ZHX1: variants seen among roughly 807,000 people sequenced by gnomAD.
ZHX1 encodes zinc fingers and homeoboxes protein 1.
A neutral mutation model predicts 61.8 loss-of-function variants in ZHX1; 20 were observed. The observed-to-expected ratio is 0.32, with a 90% CI of 0.23 to 0.47. The LOEUF (loss-of-function observed/expected upper bound fraction) is 0.47. ZHX1 is among the 20% of genes least tolerant of loss of function. The pLI is 1.00. For missense variants in ZHX1, 800 were observed against 1,034.8 expected, an observed-to-expected ratio of 0.77 and a Z score of 3.11; for synonymous variants, 318 against 352.6, an observed-to-expected ratio of 0.90 and a Z score of 1.10.
At position 123,253,302 on chromosome 8, in the gene ZHX1, T is replaced by G. The variant is rs757913535; in HGVS notation, c.*3+20A>C. Reference sequence around the variant, plus strand: ...GTGGTTGATGAACATATACGCAGATTAAAAATTTTCTTAACTTACATTTCA... The same window carrying G: ...GTGGTTGATGAACATATACGCAGATGAAAAATTTTCTTAACTTACATTTCA... On this transcript the variant is annotated intron_variant, in intron 3 of 3. Coordinates refer to ENST00000395571, the MANE Select transcript of ZHX1 (RefSeq NM_007222.5). The G allele has an allele frequency of 3.2e-6, 5 of 1,566,034 alleles. No individual in the cohort carries two copies. Among genetic ancestry groups the G allele is most frequent in the Non-Finnish European group, 4.3e-6 (5 of 1,161,548 alleles).
intron 2 of ZHX1, among the ~76,000 whole-genome samples, chr8:123,259,521 G>A (rs1826181274): frequency 6.6e-6 from 1 of 151,912 alleles, no homozygotes; most frequent in South Asian, 2.1e-4. Flanking sequence ...AGGAAGCTAA[G>A]GCAGGAAGAT....
chr8:123,252,995 T>C (rs1355340615), intron 3 of ZHX1: 2 of 199,614 alleles, frequency 1.0e-5, no homozygotes, highest in African/African-American at 4.6e-5. Flanking sequence ...ATTTTAGTTA[T>C]CTTTAGTATT....
chr8:123,253,435 C>T lies in ZHX1; in HGVS notation c.2512G>A (p.Glu838Lys). The change falls in exon 3 of 4, where the codon GAA becomes AAA. Residue 838 changes from glutamate to lysine, a missense_variant. Transcript: ENST00000395571. ...GIELFEENEE[E>K]DEVIDDQEED... Reference sequence around the variant, plus strand: ...TCCTGGTCATCAATAACTTCATCTTCCTCCTCATTTTCCTCAAATAATTCT... The same window carrying T: ...TCCTGGTCATCAATAACTTCATCTTTCTCCTCATTTTCCTCAAATAATTCT... The T allele has an allele frequency of 6.2e-7, 1 of 1,614,054 alleles. No individual in the cohort carries two copies. The highest frequency in any genetic ancestry group is 8.5e-7 in the Non-Finnish European group (1 of 1,179,990).
chr8:123,254,737 T>C lies in ZHX1; in HGVS notation c.1210A>G (p.Thr404Ala), dbSNP rs765024823. ...GGTGCTGTAACTGGCAAGGTGTTTG[T>C]TCCAGCCACTTGAGTAAGGACCAGA... ...PGLVLTQVAGTNTLPVTAPIA... is the reference protein window; with the variant it reads ...PGLVLTQVAGANTLPVTAPIA... The change falls in exon 3 of 4, where the codon ACA (threonine) becomes GCA (alanine). Residue 404 changes from threonine to alanine, a missense_variant. Transcript: ENST00000395571. This position sits in a 1 kb window ranked among gnomAD's most constrained non-coding sequence, Gnocchi z 4.1. 1.2e-6 allele frequency: 2 copies of C among 1,614,198 alleles called. No individual in the cohort carries two copies. Among genetic ancestry groups the C allele is most frequent in the South Asian group, 1.1e-5 (1 of 91,086 alleles).
intron 2 of ZHX1, among the ~76,000 whole-genome samples, chr8:123,265,939 G>A (rs1826441019): frequency 6.6e-6 from 1 of 152,152 alleles, no homozygotes; most frequent in African/African-American, 2.4e-5. Context: ...TGAGAAAGCA[G>A]ACCTTAATGA....
intron 2 of ZHX1, among the ~76,000 whole-genome samples, chr8:123,261,042 G>T (rs1469656356): frequency 6.6e-6 from 1 of 152,036 alleles, no homozygotes; most frequent in Admixed American, 6.5e-5. Context: ...CTATTTGCTT[G>T]CTATAATCCA....
At chr8:123,265,262 A>C (rs1350152671) in intron 2 of ZHX1, among the ~76,000 whole-genome samples, 1 of 152,076 alleles carries the variant, frequency 6.6e-6, no homozygotes, top group East Asian at 1.9e-4. Flanking sequence ...ATGTAGCATC[A>C]AAAATAAAAC....
Position 123,254,525 on chromosome 8 carries a change from C to T in ZHX1, c.1422G>A (p.Glu474=), listed in dbSNP as rs918805669. The change falls in exon 3 of 4, where the codon GAG becomes GAA. Residue 474 remains glutamate, a synonymous_variant. Transcript: ENST00000395571. This position sits in a 1 kb window ranked among gnomAD's most constrained non-coding sequence, Gnocchi z 4.1. ...SFGIRAKKTK[E]QLAELKVSYL... is the part of the protein sequence containing the mutation. ...AGCTAACTTTTAATTCTGCCAGTTG[C>T]TCTTTTGTCTTTTTTGCCCGAATGC... 1.2e-6 allele frequency: 2 copies of T among 1,613,840 alleles called. No individual in the cohort carries two copies. The highest frequency in any genetic ancestry group is 1.7e-6 in the Non-Finnish European group (2 of 1,179,950).
At position 123,254,967 on chromosome 8, in the gene ZHX1, T is replaced by G; in HGVS notation, c.980A>C (p.Gln327Pro). The G allele has an allele frequency of 6.2e-7, 1 of 1,614,248 alleles. No homozygotes were observed. The highest frequency in any genetic ancestry group is 8.5e-7 in the Non-Finnish European group (1 of 1,180,032). The change falls in exon 3 of 4, where the codon CAG (glutamine) becomes CCG (proline). Residue 327 changes from glutamine to proline, a missense_variant. Transcript: ENST00000395571. The surrounding 1 kb of genome is among the most constrained non-coding windows in gnomAD (Gnocchi z 4.1). ...TTGGGCTGAAAACCATATCTTGATC[T>G]GTTCCTCTGTATATTTTGCTTGAGC... ...LSAQAKYTEE[Q>P]IKIWFSAQRL... is the part of the protein sequence containing the mutation.
In ZHX1 at chr8:123,254,006, A is replaced by C. The variant is rs931154556; in HGVS notation, c.1941T>G (p.Thr647=). 27 of 1,614,014 alleles carry C rather than the reference A, an allele frequency of 1.7e-5. No homozygotes were observed. Among genetic ancestry groups the C allele is most frequent in the Non-Finnish European group, 2.2e-5 (26 of 1,180,042 alleles). Residue 647 remains threonine (T), a synonymous_variant, in exon 3 of 4, where the codon ACT becomes ACG. Coordinates refer to ENST00000395571, the MANE Select transcript of ZHX1 (RefSeq NM_007222.5). This position sits in a 1 kb window ranked among gnomAD's most constrained non-coding sequence, Gnocchi z 4.1. ...AGSSKEEAGE[T]SPADESGAPK... ...GTGCACCAGATTCATCTGCAGGAGA[A>C]GTTTCTCCAGCTTCTTCTTTGGAAC...
intron 2 of ZHX1, among the ~76,000 whole-genome samples, chr8:123,266,424 G>C (rs951971183): frequency 3.3e-5 from 5 of 152,078 alleles, no homozygotes; most frequent in Non-Finnish European, 5.9e-5. Flanking sequence ...AAAGATAATA[G>C]TAATCAGTAT....
intron 2 of ZHX1, chr8:123,262,762 A>C (rs1826315392): frequency 6.6e-6 from 1 of 152,148 alleles, no homozygotes. Flanking sequence ...GTTTATGACC[A>C]ATCTTTCTAC....
upstream of ZHX1, chr8:123,274,607 G>C (rs1178705670): frequency 2.0e-5 from 3 of 152,264 alleles, no homozygotes; most frequent in Non-Finnish European, 2.9e-5. Flanking sequence ...GTAGGGAGGC[G>C]CCCCGCCCCC....
In ZHX1 at chr8:123,250,008, T is replaced by C. The variant is rs1303401931; in HGVS notation, c.*316A>G. On this transcript the variant is annotated 3_prime_UTR_variant, in exon 4 of 4. Transcript: ENST00000395571. ...TATGAGGACAAGCTCTAGTGGTCATTAAACCCCCTCAGAAAGTCTAAGATT... is the reference window on the plus strand; with the variant it reads ...TATGAGGACAAGCTCTAGTGGTCATCAAACCCCCTCAGAAAGTCTAAGATT... 1 of 311,190 alleles carries C rather than the reference T, an allele frequency of 3.2e-6. No homozygotes were observed. The allele number at this position is 311,190 out of a possible 1,614,324, so 19.3% of individuals were successfully genotyped here. A position where few individuals can be genotyped will look rare whatever the true frequency, so the allele number is the denominator to read the frequency against.
chr8:123,268,716 T>A (rs780872897), intron 1 of ZHX1, among the ~76,000 whole-genome samples: 6 of 152,218 alleles, frequency 3.9e-5, no homozygotes, highest in Admixed American at 6.5e-5. Context: ...GGTCTCTATC[T>A]CCTGAGCTCA....
At chr8:123,267,216 T>C in intron 2 of ZHX1, 57 bp downstream of exon 2, 1 of 1,488,546 alleles carries the variant, frequency 6.7e-7, no homozygotes, top group Non-Finnish European at 9.0e-7. Flanking sequence ...TCATGGGATC[T>C]AAAGTGAGTA....
intron 2 of ZHX1, among the ~76,000 whole-genome samples, chr8:123,263,931 T>C (rs1826369762): frequency 6.6e-6 from 1 of 152,228 alleles, no homozygotes; most frequent in African/African-American, 2.4e-5. Context: ...AAAACAATTG[T>C]GCTTGATTTA....
rs563534519 is a variant in ZHX1 at position 123,248,509 on chromosome 8, G to A, written c.*1815C>T. The A allele has an allele frequency of 1.3e-5, 2 of 152,030 alleles. No individual in the cohort carries two copies. Among genetic ancestry groups the A allele is most frequent in the African/African-American group, 4.8e-5 (2 of 41,460 alleles). 9.4% of individuals were successfully genotyped at this position (152,030 alleles called of 1,614,324 possible). A position where few individuals can be genotyped will look rare whatever the true frequency, so the allele number is the denominator to read the frequency against. On this transcript the variant is annotated 3_prime_UTR_variant, in exon 4 of 4. Transcript: ENST00000395571. The stretch of plus-strand genomic sequence containing the variant: ...TATTCAAGGTCACAATCAACCAGAA[G>A]AGGGTTCTTTTGCTCTGTCAAATAA...
At chr8:123,266,247 T>C (rs1041011840) in intron 2 of ZHX1, among the ~76,000 whole-genome samples, 3 of 152,190 alleles carry the variant, frequency 2.0e-5, no homozygotes, top group African/African-American at 4.8e-5. Context: ...GTGTTAAGTC[T>C]TTTACAGCCA....
Sources: gnomAD v4.1 joint callset for allele counts (sites outside exome capture counted in the v4.1 genomes callset) on GRCh38, gnomAD v4.1.1 for gene constraint, Gnocchi (gnomAD v3.1) non-coding constraint, MANE v1.5 for transcripts, NCBI Gene and HGNC (gene_info 2026-07-23, HGNC 2026-07-21) for gene names.